The following MICAL2 variants were observed in gnomAD, a reference collection of about 807,000 sequenced individuals.
The protein encoded by MICAL2 is microtubule associated monooxygenase, calponin and LIM domain containing 2, also known as [F-actin]-monooxygenase MICAL2.
In MICAL2, 77 loss-of-function variants were observed where a neutral mutation model predicts 127.3. The observed-to-expected ratio is 0.60, with a 90% CI of 0.50 to 0.73. The LOEUF is 0.73. Ranked by LOEUF, MICAL2 falls within the 30% of genes least tolerant of loss-of-function variation. The pLI, the probability that MICAL2 is intolerant of heterozygous loss-of-function variation, is 0.00. For missense variants in MICAL2, 1,351 were observed against 1,434.4 expected (o/e 0.94, Z 0.94); for synonymous variants, 570 against 551.1 (o/e 1.03, Z -0.48).
At chr11:12,257,521 A>G (rs1228907661) in intron 24 of MICAL2, among the ~76,000 whole-genome samples, 2 of 152,192 alleles carry the variant, frequency 1.3e-5, no homozygotes, top group African/African-American at 4.8e-5. Context: ...TGTCACCTAT[A>G]ACGAGAGGCA....
intron 12 of MICAL2, among the ~76,000 whole-genome samples, 179 bp downstream of exon 12, chr11:12,223,680 G>A (rs1452081731): frequency 6.6e-6 from 1 of 152,192 alleles, no homozygotes; most frequent in East Asian, 1.9e-4. Flanking sequence ...GTGAGACCAA[G>A]AGAACCCCTG....
At chr11:12,263,127 C>T (rs565923085) in intron 27 of MICAL2, 1 of 153,082 alleles carries the variant, frequency 6.5e-6, no homozygotes, top group South Asian at 2.1e-4. Flanking sequence ...GCCTTGGTTG[C>T]AGCCTGCACT....
At chr11:12,166,320 T>G (rs1855505774) in intron 3 of MICAL2, among the ~76,000 whole-genome samples, 3 of 152,214 alleles carry the variant, frequency 2.0e-5, no homozygotes, top group Admixed American at 2.0e-4. Flanking sequence ...TTTTGTTTAT[T>G]TGCTCATTAG....
intron 29 of MICAL2, among the ~76,000 whole-genome samples, chr11:12,299,298 C>T (rs2134800504): frequency 6.6e-6 from 1 of 152,092 alleles, no homozygotes; most frequent in Middle Eastern, 3.4e-3. Flanking sequence ...TTGCTCAGTC[C>T]ACCAAACACA....
chr11:12,327,206 C>A, exon 32 of MICAL2: 1 of 1,551,580 alleles, frequency 6.4e-7, no homozygotes, highest in Non-Finnish European at 8.7e-7. Flanking sequence ...GGTGGAGGAG[C>A]GGCAGAGGGC....
rs375386842 is a variant in MICAL2 at position 12,242,401 on chromosome 11, G to A, written c.2525G>A (p.Arg842Gln). The part of the protein sequence containing the change: ...RAQALSGVLW[R>Q]LQQVEEKILQ... ...CAGGCTCTTTCCGGGGTGCTGTGGCGGCTGCAGCAAGTGGAGGAAAAGATT... is the reference window on the plus strand; with the variant it reads ...CAGGCTCTTTCCGGGGTGCTGTGGCAGCTGCAGCAAGTGGAGGAAAAGATT... The change falls in exon 19 of 28, where the codon CGG becomes CAG. Residue 842 changes from arginine to glutamine, a missense_variant. This residue lies in a region of MICAL2 where 752 missense variants were observed against 719.4 expected (regional missense o/e 1.05). Coordinates refer to ENST00000683283, the MANE Select transcript of MICAL2 (RefSeq NM_001282663.2). 37 of 1,609,414 alleles carry A rather than the reference G, an allele frequency of 2.3e-5. No individual in the cohort carries two copies. In the African/African-American group the frequency reaches 2.5e-4, roughly 11 times the overall value.
Position 12,242,758 on chromosome 11 carries a change from G to A in MICAL2, c.2644G>A (p.Gly882Arg), listed in dbSNP as rs757547160. Residue 882 changes from glycine (G) to arginine (R), a missense_variant, in exon 20 of 28, where the codon GGG (glycine) becomes AGG (arginine). By Grantham distance (125) the Gly-to-Arg change is moderately radical. Around this residue, in one of 2 missense-constraint regions of MICAL2, gnomAD observed 752 missense variants for 719.4 expected, o/e 1.05. Coordinates refer to ENST00000683283, the MANE Select transcript of MICAL2 (RefSeq NM_001282663.2). ...AAHLASMFGH[G>R]DFPQNKLLSK... ...TCACCTTGCCTCCATGTTTGGACAC[G>A]GGGATTTCCCGCAGGTAAACATGGG... The A allele has an allele frequency of 3.8e-5, 61 of 1,607,336 alleles. No homozygotes were observed. The highest frequency in any genetic ancestry group is 2.6e-4 in the Admixed American group (15 of 58,302).
chr11:12,203,812 T>C (rs373342745), intron 3 of MICAL2, among the ~76,000 whole-genome samples: 1 of 152,262 alleles, frequency 6.6e-6, no homozygotes, highest in African/African-American at 2.4e-5. Context: ...TTTCCTGTTA[T>C]ATCTAAGACA....
chr11:12,226,227 A>G lies in MICAL2; in HGVS notation c.1745A>G (p.Asp582Gly), dbSNP rs1857427681. The G allele has an allele frequency of 6.2e-7, 1 of 1,614,086 alleles. No individual in the cohort carries two copies. The highest frequency in any genetic ancestry group is 1.3e-5 in the African/African-American group (1 of 74,908). ...GTGGAGAACAACCAGCTCGCATTTGATGTGGCCGAGCGAGAGTTTGGGATC... is the reference window on the plus strand; with the variant it reads ...GTGGAGAACAACCAGCTCGCATTTGGTGTGGCCGAGCGAGAGTTTGGGATC... ...DAVENNQLAF[D>G]VAEREFGIPP... Residue 582 changes from aspartate (D) to glycine (G), a missense_variant, in exon 14 of 28, where the codon GAT becomes GGT. Physicochemically the swap from Asp to Gly is moderately conservative, Grantham distance 94. Coordinates refer to ENST00000683283, the MANE Select transcript of MICAL2 (RefSeq NM_001282663.2).
intron 17 of MICAL2, among the ~76,000 whole-genome samples, chr11:12,240,287 C>T (rs1165969987): frequency 2.0e-5 from 3 of 152,204 alleles, no homozygotes; most frequent in African/African-American, 7.2e-5. Context: ...CTCGTGGTTC[C>T]GTTTGCTCCC....
At chr11:12,290,723 G>A (rs972359102), downstream of MICAL2, among the ~76,000 whole-genome samples, 2 of 152,190 alleles carry the variant, frequency 1.3e-5, no homozygotes, top group Non-Finnish European at 2.9e-5. Context: ...AGCTTTCTGC[G>A]AGGCCTCCCT....
At chr11:12,320,545 G>A (rs1864281456) in intron 30 of MICAL2, among the ~76,000 whole-genome samples, 1 of 152,126 alleles carries the variant, frequency 6.6e-6, no homozygotes, top group Non-Finnish European at 1.5e-5. Flanking sequence ...GGGTGGGGGT[G>A]GCAGGGGTTA....
At chr11:12,133,983 C>A (rs917094553) in intron 1 of MICAL2, among the ~76,000 whole-genome samples, 1 of 152,216 alleles carries the variant, frequency 6.6e-6, no homozygotes, top group South Asian at 2.1e-4. Context: ...AGACCCCAGG[C>A]TCCACTGAAA....
At chr11:12,175,277 A>G (rs1856707741) in intron 3 of MICAL2, among the ~76,000 whole-genome samples, 1 of 152,076 alleles carries the variant, frequency 6.6e-6, no homozygotes, top group African/African-American at 2.4e-5. Context: ...GAAGTTCGAG[A>G]CCAGCCTGGC....
chr11:12,163,123 C>T (rs1410764718), intron 3 of MICAL2, among the ~76,000 whole-genome samples: 1 of 152,196 alleles, frequency 6.6e-6, no homozygotes, highest in Non-Finnish European at 1.5e-5. Flanking sequence ...ATAGTTAAGC[C>T]TACACGAACT....
At chr11:12,120,984 T>C (rs1228572654) in intron 1 of MICAL2, among the ~76,000 whole-genome samples, 1 of 152,220 alleles carries the variant, frequency 6.6e-6, no homozygotes, top group African/African-American at 2.4e-5. Flanking sequence ...AAAAAGACTT[T>C]GTCTGTATCC....
At chr11:12,322,301 C>T (rs544351367) in intron 30 of MICAL2, among the ~76,000 whole-genome samples, 3 of 152,240 alleles carry the variant, frequency 2.0e-5, no homozygotes, top group East Asian at 3.9e-4. Context: ...ATCCCCACCA[C>T]CTCTTCCCTA....
At chr11:12,137,067 G>A (rs957700362) in intron 1 of MICAL2, among the ~76,000 whole-genome samples, 1 of 152,232 alleles carries the variant, frequency 6.6e-6, no homozygotes, top group Non-Finnish European at 1.5e-5. Context: ...GACAAGTCAA[G>A]GCCTCTAGCC....
In MICAL2 at chr11:12,132,952, G is replaced by A. The variant is rs150970199; in HGVS notation, c.-148-5438G>A. Among the ~76,000 whole-genome samples the A allele has an allele frequency of 1.3e-4, 20 of 152,318 alleles. No homozygotes were observed. In the East Asian group the frequency reaches 3.7e-3, roughly 28 times the overall value. On this transcript the variant is annotated intron_variant, in intron 1 of 27. Coordinates refer to ENST00000683283, the MANE Select transcript of MICAL2 (RefSeq NM_001282663.2). ...GGTTCCCTGGGGCTTGTGGAAGAAG[G>A]CGCTTGCCTGTGCTCATTTGTGTGT... is the stretch of plus-strand genomic sequence containing the variant.
Sources: allele counts gnomAD v4.1 joint callset (sites outside exome capture counted in the v4.1 genomes callset), GRCh38; gene constraint gnomAD v4.1.1; regional missense constraint gnomAD v4.1.1; transcripts MANE v1.5; gene names NCBI Gene and HGNC (gene_info 2026-07-23, HGNC 2026-07-21).